Variants in DMXL1 observed in about 807,000 individuals in gnomAD.
DMXL1 encodes the protein dmX-like protein 1.
In DMXL1, 99 loss-of-function variants were observed where a neutral mutation model predicts 319.2. The ratio of observed to expected loss-of-function variants is 0.31; its 90% confidence interval spans 0.26 to 0.37. DMXL1 has a LOEUF of 0.37. Among genes scored for constraint, DMXL1 ranks in the 10% least tolerant of loss-of-function variants. DMXL1 has a pLI of 1.00. For synonymous variants in DMXL1, 1,385 were observed against 1,235.2 expected (o/e 1.12, Z -2.54); for missense variants, 3,745 against 3,595.6 (o/e 1.04, Z -1.06).
intron 38 of DMXL1, among the ~76,000 whole-genome samples, chr5:119,226,158 A>G (rs1317511638): frequency 2.0e-5 from 3 of 152,144 alleles, no homozygotes; most frequent in Non-Finnish European, 4.4e-5. Context: ...GGTAGCATCA[A>G]TTACTGCTGT....
At chr5:119,114,376 C>G (rs995886039) in intron 5 of DMXL1, 99 bp from the exon 6 acceptor site, 1 of 810,226 alleles carries the variant, frequency 1.2e-6, no homozygotes, top group African/African-American at 1.8e-5. Context: ...ATAACATTTT[C>G]TGTCTTTTGA....
intron 1 of DMXL1, among the ~76,000 whole-genome samples, chr5:119,072,553 T>G (rs568582726): frequency 6.6e-6 from 1 of 152,180 alleles, no homozygotes; most frequent in South Asian, 2.1e-4. Flanking sequence ...AAAATAAAAG[T>G]AAAACTTAAT....
At chr5:119,108,321 T>C (rs1758804439) in intron 4 of DMXL1, among the ~76,000 whole-genome samples, 1 of 152,244 alleles carries the variant, frequency 6.6e-6, no homozygotes, top group Non-Finnish European at 1.5e-5. Context: ...GTATGGATGA[T>C]AGCACGGCCT....
At position 119,170,508 on chromosome 5, in the gene DMXL1, C is replaced by G; in HGVS notation, c.5717C>G (p.Pro1906Arg). The change falls in exon 24 of 44, where the codon CCT becomes CGT. Residue 1906 changes from proline (P) to arginine (R), a missense_variant. This residue lies in a region of DMXL1 where 1,382 missense variants were observed against 1,269.5 expected (regional missense o/e 1.09). Coordinates refer to ENST00000539542, the MANE Select transcript of DMXL1 (RefSeq NM_001290321.3). ...CTGGATACTAGTAAAGACTGTTCTCCTTCTTCTCCATTAAAGTTGGATGCA... is the reference window on the plus strand; with the variant it reads ...CTGGATACTAGTAAAGACTGTTCTCGTTCTTCTCCATTAAAGTTGGATGCA... The part of the protein sequence containing the change: ...SFLDTSKDCS[P>R]SSPLKLDARE... 6.2e-7 allele frequency: 1 copy of G among 1,613,508 alleles called. No homozygotes were observed. The highest frequency in any genetic ancestry group is 1.7e-5 in the Admixed American group (1 of 59,986).
intron 39 of DMXL1, chr5:119,236,935 T>G (rs1437703427): frequency 6.6e-6 from 1 of 152,330 alleles, no homozygotes; most frequent in East Asian, 1.9e-4. Flanking sequence ...TGTGTTTTCC[T>G]TATTGTTTGT....
chr5:119,091,435 C>T (rs780513682), intron 1 of DMXL1, among the ~76,000 whole-genome samples: 20 of 152,228 alleles, frequency 1.3e-4, no homozygotes, highest in Non-Finnish European at 2.4e-4. Context: ...TGGTTTCAAA[C>T]TCCTAGGCTC....
At chr5:119,192,546 C>T (rs918222867) in intron 29 of DMXL1, among the ~76,000 whole-genome samples, 15 of 152,186 alleles carry the variant, frequency 9.9e-5, no homozygotes, top group Non-Finnish European at 4.4e-5. Flanking sequence ...CTTTCTGACC[C>T]AGTTACACCC....
intron 38 of DMXL1, among the ~76,000 whole-genome samples, chr5:119,231,254 G>T (rs1260265531): frequency 6.6e-6 from 1 of 152,124 alleles, no homozygotes; most frequent in African/African-American, 2.4e-5. Context: ...CAGGTTCTGG[G>T]TCCATAATGT....
intron 19 of DMXL1, among the ~76,000 whole-genome samples, chr5:119,158,634 C>T (rs1459667865): frequency 6.6e-6 from 1 of 152,022 alleles, no homozygotes; most frequent in African/African-American, 2.4e-5. Flanking sequence ...CATTTATGGC[C>T]TTTGTTGTGT....
At chr5:119,221,985 A>G (rs1156811581) in intron 37 of DMXL1, among the ~76,000 whole-genome samples, 1 of 152,134 alleles carries the variant, frequency 6.6e-6, no homozygotes, top group Admixed American at 6.6e-5. Context: ...TTGAAGAAGC[A>G]AAGAAAGGTG....
intron 37 of DMXL1, among the ~76,000 whole-genome samples, chr5:119,222,888 A>T (rs188929001): frequency 6.6e-6 from 1 of 151,814 alleles, no homozygotes; most frequent in Non-Finnish European, 1.5e-5. Context: ...AAAATGCTCT[A>T]TCCCTCTGTT....
chr5:119,222,185 T>G (rs867240109), intron 37 of DMXL1, among the ~76,000 whole-genome samples: 10 of 152,310 alleles, frequency 6.6e-5, no homozygotes, highest in African/African-American at 2.2e-4. Context: ...GCAGTATCTG[T>G]TGTAGTTGTT....
At chr5:119,140,630 G>A (rs1047154560) in intron 13 of DMXL1, among the ~76,000 whole-genome samples, 1 of 151,670 alleles carries the variant, frequency 6.6e-6, no homozygotes, top group Non-Finnish European at 1.5e-5. Flanking sequence ...CCTACCAACC[G>A]AAAAACCCAG....
intron 10 of DMXL1, among the ~76,000 whole-genome samples, chr5:119,129,994 A>T (rs184380342): frequency 1.8e-4 from 27 of 152,002 alleles, no homozygotes; most frequent in Admixed American, 1.2e-3. Flanking sequence ...GTAGTTCCTG[A>T]CTCTGTAGCC....
At chr5:119,200,385 G>A (rs1040393345) in intron 32 of DMXL1, among the ~76,000 whole-genome samples, 3 of 152,158 alleles carry the variant, frequency 2.0e-5, no homozygotes, top group African/African-American at 7.2e-5. Context: ...GATGGCCAGA[G>A]GCGTGTCACC....
intron 28 of DMXL1, among the ~76,000 whole-genome samples, chr5:119,188,133 T>G (rs922359758): frequency 6.6e-6 from 1 of 152,266 alleles, no homozygotes; most frequent in Non-Finnish European, 1.5e-5. Context: ...TATTTTTATC[T>G]ACCAGTGGGT....
At chr5:119,188,093 A>G (rs1378139915) in intron 28 of DMXL1, among the ~76,000 whole-genome samples, 1 of 152,216 alleles carries the variant, frequency 6.6e-6, no homozygotes, top group Non-Finnish European at 1.5e-5. Context: ...TTCTGTCTTT[A>G]AAAACTCTCT....
chr5:119,114,222 G>C (rs1760308768), intron 5 of DMXL1, among the ~76,000 whole-genome samples: 1 of 152,192 alleles, frequency 6.6e-6, no homozygotes, highest in African/African-American at 2.4e-5. Context: ...CTAAGGGAAT[G>C]AAAGTTACAA....
At chr5:119,127,223 T>C in intron 9 of DMXL1, 1 of 196,750 alleles carries the variant, frequency 5.1e-6, no homozygotes, top group South Asian at 1.2e-4. Flanking sequence ...AATTGTAAAA[T>C]TACAGTGCTC....
Sources: gnomAD v4.1 joint callset for allele counts (sites outside exome capture counted in the v4.1 genomes callset) on GRCh38, gnomAD v4.1.1 for gene constraint, gnomAD v4.1.1 regional missense constraint, MANE v1.5 for transcripts, NCBI Gene and HGNC (gene_info 2026-07-23, HGNC 2026-07-21) for gene names.